ABCA8: variants seen among roughly 807,000 people sequenced by gnomAD.
The protein encoded by ABCA8 is ABC-type organic anion transporter ABCA8.
A neutral mutation model predicts 192.3 loss-of-function variants in ABCA8; 177 were observed. That is an observed-to-expected ratio of 0.92 (90% CI 0.81 to 1.04). The LOEUF is 1.04. ABCA8 is among the 50% of genes least tolerant of loss of function. ABCA8 has a pLI of 0.00. For missense variants in ABCA8, 1,915 were observed against 1,904.8 expected, an observed-to-expected ratio of 1.01 and a Z score of -0.10; for synonymous variants, 642 against 690.2, an observed-to-expected ratio of 0.93 and a Z score of 1.09.
intron 2 of ABCA8, chr17:68,944,792 A>AT (rs2068348877): frequency 6.6e-6 from 1 of 152,126 alleles, no homozygotes; most frequent in Non-Finnish European, 1.5e-5. Context: ...AGCAAAGATA[A>AT]TTTGCAGCTG....
chr17:68,929,774 A>G, intron 7 of ABCA8, 72 bp from the exon 8 acceptor site: 1 of 1,346,174 alleles, frequency 7.4e-7, no homozygotes, highest in Non-Finnish European at 1.0e-6. Flanking sequence ...ATGGATTCTA[A>G]GATAACTCTT....
intron 17 of ABCA8, 122 bp downstream of exon 17, chr17:68,917,239 C>T: frequency 1.6e-6 from 1 of 617,822 alleles, no homozygotes; most frequent in East Asian, 2.9e-5. Flanking sequence ...GATACTCCGT[C>T]TCAAAAACAA....
At chr17:68,924,428 CA>C (rs751632455) in intron 11 of ABCA8, among the ~76,000 whole-genome samples, 4 of 151,500 alleles carry the variant, frequency 2.6e-5, no homozygotes, top group Non-Finnish European at 5.9e-5. Context: ...TGAAGAGAAA[CA>C]AGTAAAAGAC....
intron 17 of ABCA8, among the ~76,000 whole-genome samples, chr17:68,915,402 A>G (rs567663901): frequency 1.8e-4 from 28 of 152,194 alleles, no homozygotes; most frequent in Admixed American, 3.3e-4. Context: ...TAATCAGACT[A>G]TATAAAGAGC....
chr17:68,949,085 T>A (rs1358059232), intron 2 of ABCA8, among the ~76,000 whole-genome samples: 1 of 152,218 alleles, frequency 6.6e-6, no homozygotes, highest in Non-Finnish European at 1.5e-5. Flanking sequence ...GTCTCTGTCC[T>A]GTTTCATTGG....
intron 24 of ABCA8, among the ~76,000 whole-genome samples, chr17:68,890,762 G>A (rs558126789): frequency 1.8e-3 from 281 of 152,244 alleles, no homozygotes; most frequent in African/African-American, 6.4e-3. Flanking sequence ...CAGGTGATCC[G>A]CCCACCTCGG....
chr17:68,953,544 A>G (rs2068627568), intron 1 of ABCA8, among the ~76,000 whole-genome samples: 2 of 152,150 alleles, frequency 1.3e-5, no homozygotes, highest in South Asian at 2.1e-4. Flanking sequence ...GAACCTACAC[A>G]TGGCCATGCA....
intron 1 of ABCA8, 119 bp downstream of exon 1, chr17:68,955,100 A>C (rs2068679485): frequency 6.6e-6 from 1 of 152,220 alleles, no homozygotes; most frequent in South Asian, 2.1e-4. Context: ...ATTGTCATTC[A>C]GTTTATAAAG....
intron 32 of ABCA8, chr17:68,880,882 C>T (rs969816610): frequency 8.2e-5 from 42 of 512,744 alleles, no homozygotes; most frequent in Non-Finnish European, 1.3e-4. Context: ...TGGGCAAAGG[C>T]GCCACCAGCT....
chr17:68,901,596 A>G (rs2066914037), intron 21 of ABCA8, among the ~76,000 whole-genome samples: 1 of 152,120 alleles, frequency 6.6e-6, no homozygotes, highest in South Asian at 2.1e-4. Context: ...TCACGAGGTC[A>G]AGAGATCAAG....
rs765558703 is a variant in ABCA8, at chr17:68,906,045, C to G, written c.2397G>C (p.Ser799=). 3.2e-6 allele frequency: 5 copies of G among 1,580,996 alleles called. No homozygotes were observed. Among genetic ancestry groups the G allele is most frequent in the Non-Finnish European group, 4.3e-6 (5 of 1,164,712 alleles). Reference sequence around the variant, plus strand: ...ATAATTTTCATGCATTTTATTTACCCGATTCATTAATTGTAGATTTTCCTT... The same window carrying G: ...ATAATTTTCATGCATTTTATTTACCGGATTCATTAATTGTAGATTTTCCTT... The part of the protein sequence containing the change: ...KLEGKSTINE[S]DIAILGEVQA... Residue 799 remains serine, a splice_region_variant and synonymous_variant, in exon 19 of 40, where the codon TCG becomes TCC. Coordinates refer to ENST00000586539, the MANE Select transcript of ABCA8 (RefSeq NM_001288985.2).
intron 32 of ABCA8, among the ~76,000 whole-genome samples, chr17:68,880,426 A>C (rs2066307139): frequency 6.6e-6 from 1 of 152,148 alleles, no homozygotes; most frequent in African/African-American, 2.4e-5. Context: ...GGGACTAAAA[A>C]AGCTGTAACA....
intron 7 of ABCA8, among the ~76,000 whole-genome samples, chr17:68,931,279 C>T (rs11656365): frequency 0.4 from 60,869 of 152,032 alleles, 14,571 homozygotes; most frequent in Non-Finnish European, 0.54. Flanking sequence ...CACAGTAAGA[C>T]GCAGCCTCAG....
chr17:68,950,906 A>G (rs1696206987), intron 1 of ABCA8, among the ~76,000 whole-genome samples: 1 of 152,154 alleles, frequency 6.6e-6, no homozygotes, highest in Admixed American at 6.5e-5. Context: ...CAAGAGAAGA[A>G]GGGAGGTGTG....
intron 2 of ABCA8, chr17:68,944,591 C>T (rs2068343877): frequency 1.3e-5 from 2 of 151,668 alleles, no homozygotes; most frequent in African/African-American, 2.4e-5. Flanking sequence ...CACCAACCAC[C>T]CCTTCCCCCA....
chr17:68,910,772 C>T (rs2067211742), intron 17 of ABCA8, among the ~76,000 whole-genome samples: 1 of 152,186 alleles, frequency 6.6e-6, no homozygotes, highest in Non-Finnish European at 1.5e-5. Context: ...GGACACCAGG[C>T]AGAGTTCTGA....
chr17:68,945,071 T>TG (rs1036013611), intron 2 of ABCA8, among the ~76,000 whole-genome samples: 4 of 152,008 alleles, frequency 2.6e-5, no homozygotes, highest in Admixed American at 6.5e-5. Context: ...AGTCTATGGA[T>TG]GGGGGAAGGG....
chr17:68,885,391 G>A, intron 26 of ABCA8, 76 bp from the exon 27 acceptor site: 1 of 1,391,574 alleles, frequency 7.2e-7, no homozygotes, highest in Non-Finnish European at 9.8e-7. Context: ...TCATCTTGAA[G>A]ATATTACTAA....
intron 18 of ABCA8, among the ~76,000 whole-genome samples, chr17:68,907,087 C>T (rs982835942): frequency 2.0e-5 from 3 of 152,022 alleles, no homozygotes; most frequent in African/African-American, 7.2e-5. Context: ...CTTCATTCCA[C>T]CTAAAACGTC....
Sources: gnomAD v4.1 joint callset for allele counts (sites outside exome capture counted in the v4.1 genomes callset) on GRCh38, gnomAD v4.1.1 for gene constraint, MANE v1.5 for transcripts, NCBI Gene and HGNC (gene_info 2026-07-23, HGNC 2026-07-21) for gene names.